The following HTR3B variants were observed in gnomAD, a reference collection of about 807,000 sequenced individuals.
HTR3B encodes 5-hydroxytryptamine receptor 3B, also known as 5-hydroxytryptamine (serotonin) receptor 3B, ionotropic.
In HTR3B, 44 loss-of-function variants were observed where a neutral mutation model predicts 42.8. The ratio of observed to expected loss-of-function variants is 1.03; its 90% CI spans 0.81 to 1.32. The LOEUF is 1.32. Ranked by LOEUF, HTR3B falls within the 40% of genes most tolerant of loss-of-function variation. HTR3B has a pLI of 0.00. For missense variants in HTR3B, 527 were observed against 536.5 expected (o/e 0.98, Z 0.17); for synonymous variants, 203 against 209.0 (o/e 0.97, Z 0.25).
At chr11:113,902,920 G>C (rs1427097986), upstream of HTR3B, among the ~76,000 whole-genome samples, 1 of 152,094 alleles carries the variant, frequency 6.6e-6, no homozygotes, top group East Asian at 1.9e-4. Flanking sequence ...CCAGGCTGGA[G>C]TGCAGTGGCA....
intron 6 of HTR3B, among the ~76,000 whole-genome samples, chr11:113,940,274 G>A (rs1306158044): frequency 6.6e-6 from 1 of 152,122 alleles, no homozygotes; most frequent in Admixed American, 6.5e-5. Flanking sequence ...CCTTTGTATA[G>A]TATCTGCCAA....
At chr11:113,912,782 TC>T (rs1249929819) in intron 2 of HTR3B, among the ~76,000 whole-genome samples, 2 of 152,114 alleles carry the variant, frequency 1.3e-5, no homozygotes. Context: ...TATTAAAATT[TC>T]CCTAATGGCT....
intron 6 of HTR3B, among the ~76,000 whole-genome samples, chr11:113,942,732 A>G (rs1370661678): frequency 1.3e-5 from 2 of 152,226 alleles, no homozygotes; most frequent in Non-Finnish European, 2.9e-5. Context: ...TGGTAAGTAA[A>G]TGCTAGCTGC....
At chr11:113,909,120 A>G in intron 1 of HTR3B, 175 bp from the exon 2 acceptor site, 1 of 617,164 alleles carries the variant, frequency 1.6e-6, no homozygotes, top group Non-Finnish European at 2.9e-6. Context: ...TTAGGCCATC[A>G]GCTTACTTTA....
rs1454496579 is a variant in HTR3B at position 113,932,387 on chromosome 11, GT to G, written c.470del (p.Leu157Ter). 1.2e-6 allele frequency: 2 copies of G among 1,613,688 alleles called. No individual in the cohort carries two copies. Among genetic ancestry groups the G allele is most frequent in the African/African-American group, 1.3e-5 (1 of 74,918 alleles). ...YKPIQVVSAC[S>X]LETYAFPFDV... is the part of the protein sequence containing the mutation. ...CCCATCCAGGTGGTCTCTGCGTGCA[GT>G]TTAGAGACATATGCTTTTCCATTTG... On this transcript the variant is annotated frameshift_variant, in exon 5 of 9. Coordinates refer to ENST00000260191, the MANE Select transcript of HTR3B (RefSeq NM_006028.5). LOFTEE classifies it high-confidence loss of function.
At chr11:113,925,997 C>T (rs1384543772) in intron 2 of HTR3B, among the ~76,000 whole-genome samples, 2 of 152,102 alleles carry the variant, frequency 1.3e-5, no homozygotes, top group African/African-American at 4.8e-5. Flanking sequence ...CAAAAAGAAG[C>T]CCTATATCCA....
At chr11:113,930,123 A>G (rs992103890) in intron 2 of HTR3B, among the ~76,000 whole-genome samples, 1 of 152,042 alleles carries the variant, frequency 6.6e-6, no homozygotes, top group Non-Finnish European at 1.5e-5. Flanking sequence ...CTCTTAATAG[A>G]TATGTGATTT....
chr11:113,940,243 C>A (rs938457292), intron 6 of HTR3B, among the ~76,000 whole-genome samples: 2 of 152,260 alleles, frequency 1.3e-5, no homozygotes, highest in Non-Finnish European at 1.5e-5. Context: ...GCTTCTTGTA[C>A]TTTGCTTATG....
At chr11:113,945,395 A>G (rs1591590456) in intron 8 of HTR3B, among the ~76,000 whole-genome samples, 1 of 152,188 alleles carries the variant, frequency 6.6e-6, no homozygotes, top group African/African-American at 2.4e-5. Context: ...TCGGCCTCCC[A>G]GAGTGCTGGG....
chr11:113,910,720 G>A (rs1253931454), intron 2 of HTR3B, among the ~76,000 whole-genome samples: 4 of 151,616 alleles, frequency 2.6e-5, no homozygotes, highest in African/African-American at 4.8e-5. Context: ...GATTACAGGC[G>A]TGAGCCACCA....
upstream of HTR3B, among the ~76,000 whole-genome samples, chr11:113,900,820 A>T (rs957250051): frequency 1.3e-5 from 2 of 152,114 alleles, no homozygotes; most frequent in South Asian, 2.1e-4. Context: ...ACTTACAATC[A>T]TGGTGGAAGG....
intron 2 of HTR3B, among the ~76,000 whole-genome samples, chr11:113,917,414 T>A (rs903603191): frequency 2.6e-5 from 4 of 152,068 alleles, no homozygotes; most frequent in African/African-American, 9.7e-5. Flanking sequence ...ATTACAGCCG[T>A]GAGCCACTGC....
At chr11:113,909,572 G>A in intron 2 of HTR3B, 117 bp downstream of exon 2, 4 of 808,150 alleles carry the variant, frequency 4.9e-6, no homozygotes, top group Non-Finnish European at 7.7e-6. Context: ...TGGCAGGGAA[G>A]TTGCGCTAGA....
intron 2 of HTR3B, among the ~76,000 whole-genome samples, chr11:113,914,495 G>GT (rs912429817): frequency 4.2e-4 from 63 of 149,822 alleles, no homozygotes; most frequent in Non-Finnish European, 8.2e-4. Flanking sequence ...AATTAATTTT[G>GT]TTTTTTTGAG....
At chr11:113,924,335 G>T (rs947990761) in intron 2 of HTR3B, among the ~76,000 whole-genome samples, 4 of 152,094 alleles carry the variant, frequency 2.6e-5, no homozygotes, top group Admixed American at 6.6e-5. Context: ...TGCAAAGAAG[G>T]CTGGGCACGG....
chr11:113,913,849 T>G (rs1286794825), intron 2 of HTR3B, among the ~76,000 whole-genome samples: 1 of 151,992 alleles, frequency 6.6e-6, no homozygotes, highest in Admixed American at 6.6e-5. Flanking sequence ...ATGTTGATGG[T>G]ATTTGGAGGT....
the HTR3B span, among the ~76,000 whole-genome samples, chr11:113,899,083 G>A: frequency 6.6e-6 from 1 of 152,244 alleles, no homozygotes; most frequent in Non-Finnish European, 1.5e-5. Context: ...TGCACAATGA[G>A]GTAAGTCTGA....
At chr11:113,902,336 G>A (rs537244756), upstream of HTR3B, among the ~76,000 whole-genome samples, 18 of 151,780 alleles carry the variant, frequency 1.2e-4, no homozygotes, top group South Asian at 4.2e-4. Context: ...TCATTCTGTC[G>A]CCCAGGCTGA....
At chr11:113,943,406 T>C (rs1950152381) in intron 7 of HTR3B, among the ~76,000 whole-genome samples, 1 of 152,164 alleles carries the variant, frequency 6.6e-6, no homozygotes, top group Admixed American at 6.5e-5. Flanking sequence ...CAGTGCATAC[T>C]CACTACAACC....
Sources: gnomAD v4.1 joint callset for allele counts (sites outside exome capture counted in the v4.1 genomes callset) on GRCh38, gnomAD v4.1.1 for gene constraint, MANE v1.5 for transcripts, NCBI Gene and HGNC (gene_info 2026-07-23, HGNC 2026-07-21) for gene names.